The following WDR7 variants were observed in gnomAD, a reference collection of about 807,000 sequenced individuals.
WDR7 encodes the protein WD repeat-containing protein 7.
WDR7 carries 46 observed loss-of-function variants against 169.4 expected under a neutral mutation model. The observed-to-expected ratio is 0.27, with a 90% CI of 0.21 to 0.35. The LOEUF is 0.35. Among genes scored for constraint, WDR7 ranks in the 10% least tolerant of loss-of-function variants. WDR7 has a pLI of 1.00. For missense variants in WDR7, 1,534 were observed against 1,859.3 expected (o/e 0.83, Z 3.22); for synonymous variants, 612 against 666.8 (o/e 0.92, Z 1.27).
intron 20 of WDR7, among the ~76,000 whole-genome samples, chr18:56,822,819 C>G (rs2045121812): frequency 6.6e-6 from 1 of 151,926 alleles, no homozygotes; most frequent in African/African-American, 2.4e-5. Context: ...TTTTTTAACT[C>G]TGCAGTTTTC....
At chr18:56,764,627 T>C (rs2044032876) in intron 16 of WDR7, among the ~76,000 whole-genome samples, 1 of 152,124 alleles carries the variant, frequency 6.6e-6, no homozygotes, top group South Asian at 2.1e-4. Flanking sequence ...TGTTATACAA[T>C]GTGAATCCTT....
In WDR7 at chr18:56,718,028, G is replaced by C; in HGVS notation, c.1643G>C (p.Arg548Pro). 1 of 1,614,066 alleles carries C rather than the reference G, an allele frequency of 6.2e-7. No homozygotes were observed. Among genetic ancestry groups the C allele is most frequent in the East Asian group, 2.2e-5 (1 of 44,864 alleles). Residue 548 changes from arginine to proline, a missense_variant, in exon 13 of 28, where the codon CGA (arginine) becomes CCA (proline). Arg to Pro is a moderately radical substitution (Grantham distance 103). Transcript: ENST00000254442. Reference protein sequence around the residue: ...SDHSVGLLSLREKKCIMLASR... With the variant: ...SDHSVGLLSLPEKKCIMLASR... ...CACTCAGTAGGACTTCTAAGTTTGC[G>C]AGAGAAAAAATGCATAATGTTGGCA...
rs4482380 is a variant in WDR7, at chr18:56,747,009, C to T, written c.1990-9574C>T. 2.9e-3 allele frequency among the ~76,000 whole-genome samples: 441 copies of T among 152,248 alleles called. 3 individuals are homozygous for T. The East Asian group carries it at 0.032, about 11-fold the overall frequency. On this transcript the variant is annotated intron_variant, in intron 14 of 27. Transcript: ENST00000254442. ...CAAAGAGCTTCTCAGAGGACCACAC[C>T]ATATTGCTTCTTGTATTTCCAGTGC...
chr18:56,748,201 A>G (rs974896665), intron 14 of WDR7, among the ~76,000 whole-genome samples: 2 of 152,158 alleles, frequency 1.3e-5, no homozygotes, highest in African/African-American at 2.4e-5. Context: ...TGCTGTCTAC[A>G]ACACCTTATT....
chr18:56,969,907 G>T (rs1259530540), intron 26 of WDR7, among the ~76,000 whole-genome samples: 1 of 152,128 alleles, frequency 6.6e-6, no homozygotes, highest in East Asian at 1.9e-4. Flanking sequence ...GTGTGGTTGC[G>T]TAGTTAATAG....
chr18:56,652,055 C>G (rs1267601795), intron 1 of WDR7, among the ~76,000 whole-genome samples: 1 of 152,182 alleles, frequency 6.6e-6, no homozygotes, highest in Non-Finnish European at 1.5e-5. Flanking sequence ...GTTCTTATCC[C>G]TTTGCCCTAG....
At chr18:56,671,861 A>G (rs1314249851) in intron 1 of WDR7, among the ~76,000 whole-genome samples, 1 of 152,236 alleles carries the variant, frequency 6.6e-6, no homozygotes, top group Non-Finnish European at 1.5e-5. Flanking sequence ...TTATACACAC[A>G]CATACAATGT....
chr18:56,878,074 G>T lies in WDR7; in HGVS notation c.3305-1870G>T, dbSNP rs140579263. Reference sequence around the variant, plus strand: ...TTAGAATGGAGTAGAACTAAAAAAGGGTAGAACTATGTAAGTCTTAAAAGA... The same window carrying T: ...TTAGAATGGAGTAGAACTAAAAAAGTGTAGAACTATGTAAGTCTTAAAAGA... On this transcript the variant is annotated intron_variant, in intron 20 of 27. Transcript: ENST00000254442. Among the ~76,000 whole-genome samples, 34 of 152,216 alleles carry T rather than the reference G, an allele frequency of 2.2e-4. No homozygotes were observed. In the East Asian group the frequency reaches 4.6e-3, roughly 21 times the overall value.
Position 56,911,207 on chromosome 18 carries a change from C to T in WDR7, c.3527-12715C>T, listed in dbSNP as rs2046547811. On this transcript the variant is annotated intron_variant, in intron 21 of 27. Coordinates refer to ENST00000254442, the MANE Select transcript of WDR7 (RefSeq NM_015285.3). ...GGTTAAGAGCAGAAGATCTCAACAG[C>T]TCCAATCAGCAGGGCTTTTCCAGGG... Among the ~76,000 whole-genome samples the T allele has an allele frequency of 2.6e-5, 4 of 152,184 alleles. No individual in the cohort carries two copies. The South Asian group carries it at 8.3e-4, about 32-fold the overall frequency.
intron 26 of WDR7, among the ~76,000 whole-genome samples, chr18:57,013,690 G>A (rs1481773691): frequency 6.6e-6 from 1 of 152,190 alleles, no homozygotes; most frequent in African/African-American, 2.4e-5. Context: ...ATTTTGGAAA[G>A]TGATAGAAGA....
intron 16 of WDR7, among the ~76,000 whole-genome samples, chr18:56,773,931 A>G (rs944455730): frequency 6.6e-6 from 1 of 151,584 alleles, no homozygotes; most frequent in Non-Finnish European, 1.5e-5. Flanking sequence ...CACCCTCCCC[A>G]TAACATCGTG....
chr18:56,964,552 A>AT (rs796974519), intron 26 of WDR7, among the ~76,000 whole-genome samples: 81 of 151,834 alleles, frequency 5.3e-4, no homozygotes, highest in African/African-American at 1.9e-3. Context: ...CACCTGGCTA[A>AT]TTTTTTTGTA....
Position 56,933,598 on chromosome 18 carries a change from C to A in WDR7, c.3714-2190C>A, listed in dbSNP as rs182991722. On this transcript the variant is annotated intron_variant, in intron 22 of 27. Transcript: ENST00000254442. Reference sequence around the variant, plus strand: ...TAAAATCTTCTCTCAAAGATGCAATCTAACCATTCATCCAAAGCCACTGAG... The same window carrying A: ...TAAAATCTTCTCTCAAAGATGCAATATAACCATTCATCCAAAGCCACTGAG... Among the ~76,000 whole-genome samples the A allele has an allele frequency of 2.4e-4, 36 of 152,346 alleles. 1 individual carries two copies. The Middle Eastern group carries it at 0.01, about 43-fold the overall frequency.
chr18:56,718,237 T>C, intron 13 of WDR7, 78 bp downstream of exon 13: 1 of 1,363,636 alleles, frequency 7.3e-7, no homozygotes, highest in Non-Finnish European at 9.7e-7. Context: ...ATGTCTTTTA[T>C]ATGAAGAAAA....
At position 56,686,006 on chromosome 18, in the gene WDR7, G is replaced by T. The variant is rs961193564; in HGVS notation, c.571G>T (p.Val191Phe). The T allele has an allele frequency of 6.3e-7, 1 of 1,597,012 alleles. No individual in the cohort carries two copies. Among genetic ancestry groups the T allele is most frequent in the Non-Finnish European group, 8.5e-7 (1 of 1,174,434 alleles). ...GACTGGCATCCTGAAGGTCTGGATT[G>T]TTACCTCGGAAATAAGTGACATGCA... ...SVTGILKVWI[V>F]TSEISDMQDT... is the part of the protein sequence containing the mutation. Residue 191 changes from valine (V) to phenylalanine (F), a missense_variant, in exon 6 of 28, where the codon GTT (valine) becomes TTT (phenylalanine). Val to Phe is a conservative substitution (Grantham distance 50, BLOSUM62 -1). Coordinates refer to ENST00000254442, the MANE Select transcript of WDR7 (RefSeq NM_015285.3).
intron 1 of WDR7, among the ~76,000 whole-genome samples, chr18:56,665,858 C>T (rs1161345121): frequency 2.0e-5 from 3 of 151,998 alleles, no homozygotes; most frequent in African/African-American, 4.8e-5. Flanking sequence ...ATAGTTTGGC[C>T]CTGGGTTAAA....
chr18:56,921,074 G>C (rs1002731160), intron 21 of WDR7, among the ~76,000 whole-genome samples: 28 of 152,144 alleles, frequency 1.8e-4, no homozygotes, highest in African/African-American at 6.3e-4. Flanking sequence ...AGGCATCCCA[G>C]ATTATTCCTG....
chr18:57,010,644 T>A (rs1171326510), intron 26 of WDR7, among the ~76,000 whole-genome samples: 1 of 152,208 alleles, frequency 6.6e-6, no homozygotes, highest in Non-Finnish European at 1.5e-5. Flanking sequence ...AATTAATCAT[T>A]TCAACATGCA....
intron 20 of WDR7, among the ~76,000 whole-genome samples, chr18:56,839,316 A>AAT (rs1216323066): frequency 6.6e-6 from 1 of 152,186 alleles, no homozygotes; most frequent in Non-Finnish European, 1.5e-5. Flanking sequence ...TACCTTCTTT[A>AAT]ATAGTTGTCA....
Sources: gnomAD v4.1 joint callset for allele counts (sites outside exome capture counted in the v4.1 genomes callset) on GRCh38, gnomAD v4.1.1 for gene constraint, MANE v1.5 for transcripts, NCBI Gene and HGNC (gene_info 2026-07-23, HGNC 2026-07-21) for gene names.